The following KCNT2 variants were observed in gnomAD, a reference collection of about 807,000 sequenced individuals.
KCNT2 encodes potassium channel subfamily T member 2.
Under a neutral mutation model 153.8 loss-of-function variants are expected in KCNT2, and 67 were observed. The ratio of observed to expected loss-of-function variants is 0.44; its 90% CI spans 0.36 to 0.53. The LOEUF is 0.53. Ranked by LOEUF, KCNT2 falls within the 20% of genes least tolerant of loss-of-function variation. The pLI is 0.00. For missense variants in KCNT2, 975 were observed against 1,354.8 expected (o/e 0.72, Z 4.40); for synonymous variants, 500 against 458.8 (o/e 1.09, Z -1.15).
intron 22 of KCNT2, among the ~76,000 whole-genome samples, chr1:196,290,769 A>C (rs1272071615): frequency 6.6e-6 from 1 of 152,066 alleles, no homozygotes; most frequent in Non-Finnish European, 1.5e-5. Flanking sequence ...GTCCTAGACC[A>C]GGTCTTTATT....
intron 26 of KCNT2, among the ~76,000 whole-genome samples, chr1:196,248,264 C>T (rs566521006): frequency 6.7e-6 from 1 of 150,306 alleles, no homozygotes; most frequent in African/African-American, 2.4e-5. Context: ...GCAAGCTAAA[C>T]CAAAAATAGT....
intron 13 of KCNT2, among the ~76,000 whole-genome samples, chr1:196,378,252 A>T (rs1299690065): frequency 6.6e-6 from 1 of 152,146 alleles, no homozygotes; most frequent in Non-Finnish European, 1.5e-5. Context: ...TCTGTTTTCC[A>T]AAAACCATTA....
chr1:196,578,796 G>A (rs1347198802), intron 1 of KCNT2, among the ~76,000 whole-genome samples: 1 of 152,050 alleles, frequency 6.6e-6, no homozygotes, highest in Non-Finnish European at 1.5e-5. Context: ...AAATCCTCAG[G>A]CAGCAAATCC....
At position 196,270,150 on chromosome 1, in the gene KCNT2, C is replaced by T. The variant is rs959872174; in HGVS notation, c.2910+10710G>A. Among the ~76,000 whole-genome samples the T allele has an allele frequency of 7.2e-5, 11 of 151,760 alleles. 1 individual carries two copies. Among genetic ancestry groups the T allele is most frequent in the Non-Finnish European group, 1.5e-4 (10 of 67,944 alleles). ...CAAATTTTAAAAATAATATTATTAG[C>T]ACCAAAATTATTATTGATGTAAATT... On this transcript the variant is annotated intron_variant, in intron 25 of 27. Transcript: ENST00000294725.
chr1:196,440,978 T>G (rs542200078), intron 8 of KCNT2, among the ~76,000 whole-genome samples: 181 of 151,902 alleles, frequency 1.2e-3, no homozygotes, highest in African/African-American at 4.0e-3. Flanking sequence ...AAGCACTAGA[T>G]AAGCACAGAA....
intron 5 of KCNT2, among the ~76,000 whole-genome samples, chr1:196,474,401 G>A (rs746172053): frequency 3.9e-5 from 6 of 152,104 alleles, no homozygotes; most frequent in South Asian, 2.1e-4. Flanking sequence ...AAATAGTGTC[G>A]TAACGCTATG....
intron 16 of KCNT2, among the ~76,000 whole-genome samples, chr1:196,335,399 G>A (rs1664923153): frequency 6.6e-6 from 1 of 152,080 alleles, no homozygotes; most frequent in Non-Finnish European, 1.5e-5. Flanking sequence ...TATAGGTATA[G>A]CCTACTGCCC....
At chr1:196,411,136 A>C (rs1270146840) in intron 12 of KCNT2, among the ~76,000 whole-genome samples, 18 of 104,850 alleles carry the variant, frequency 1.7e-4, no homozygotes, top group Admixed American at 3.2e-4. Context: ...CTTCTTTCCT[A>C]CCTCCCTTCC....
chr1:196,438,071 T>G (rs1189095820), intron 8 of KCNT2, among the ~76,000 whole-genome samples: 1 of 151,716 alleles, frequency 6.6e-6, no homozygotes, highest in Non-Finnish European at 1.5e-5. Context: ...ATAATAATAT[T>G]AACTTCCCAT....
intron 12 of KCNT2, 71 bp downstream of exon 12, chr1:196,422,979 A>T (rs1673338270): frequency 1.9e-6 from 2 of 1,028,094 alleles, no homozygotes; most frequent in East Asian, 2.7e-5. Flanking sequence ...GCGAATTTTT[A>T]AAAACTCAAA....
intron 27 of KCNT2, among the ~76,000 whole-genome samples, chr1:196,233,926 G>A (rs1654180689): frequency 6.6e-6 from 1 of 151,278 alleles, no homozygotes; most frequent in Non-Finnish European, 1.5e-5. Flanking sequence ...AAGATGGAGA[G>A]AAACTGGTTT....
intron 1 of KCNT2, among the ~76,000 whole-genome samples, chr1:196,560,928 A>G (rs1035370970): frequency 6.6e-6 from 1 of 151,958 alleles, no homozygotes; most frequent in Non-Finnish European, 1.5e-5. Context: ...TTCCAGTTTA[A>G]TACTTATTCA....
intron 1 of KCNT2, among the ~76,000 whole-genome samples, chr1:196,543,998 C>T (rs190420983): frequency 6.6e-6 from 1 of 152,208 alleles, no homozygotes; most frequent in East Asian, 1.9e-4. Context: ...AGGTTTGCTT[C>T]CGTGGGTGAC....
chr1:196,538,697 C>T (rs1469547781), intron 1 of KCNT2, among the ~76,000 whole-genome samples: 2 of 152,166 alleles, frequency 1.3e-5, no homozygotes, highest in African/African-American at 2.4e-5. Flanking sequence ...ACTGCTGAGT[C>T]AGGCTGCACT....
intron 1 of KCNT2, among the ~76,000 whole-genome samples, chr1:196,592,490 A>G (rs1265407000): frequency 1.4e-5 from 2 of 147,856 alleles, no homozygotes; most frequent in Admixed American, 1.4e-4. Context: ...ATATTAATAT[A>G]TAACTTTCTA....
intron 1 of KCNT2, among the ~76,000 whole-genome samples, chr1:196,546,205 A>G (rs980532483): frequency 1.4e-4 from 22 of 152,084 alleles, no homozygotes; most frequent in African/African-American, 4.6e-4. Context: ...GCTAAATATT[A>G]TTCTTCTATT....
intron 25 of KCNT2, among the ~76,000 whole-genome samples, chr1:196,275,366 A>G (rs887927182): frequency 1.3e-5 from 2 of 148,384 alleles, no homozygotes; most frequent in Non-Finnish European, 3.0e-5. Context: ...CTTTCCATAG[A>G]CTGATTTTCC....
rs771988992 is a variant in KCNT2 at position 196,340,519 on chromosome 1, C to A, written c.1605G>T (p.Leu535Phe). ...GVRREDNKNI[L>F]LNPGPRYIMN... Reference sequence around the variant, plus strand: ...TAATGTATCGAGGACCTGGATTCAGCAAAATGTTTTTATTATCCTCCCTCC... The same window carrying A: ...TAATGTATCGAGGACCTGGATTCAGAAAAATGTTTTTATTATCCTCCCTCC... The change falls in exon 16 of 28, where the codon TTG becomes TTT. Residue 535 changes from leucine to phenylalanine, a missense_variant. Physicochemically the swap from Leu to Phe is conservative, Grantham distance 22. Coordinates refer to ENST00000294725, the MANE Select transcript of KCNT2 (RefSeq NM_198503.5). The A allele has an allele frequency of 6.2e-7, 1 of 1,610,734 alleles. No individual in the cohort carries two copies. Among genetic ancestry groups the A allele is most frequent in the Admixed American group, 1.7e-5 (1 of 59,648 alleles).
chr1:196,530,609 G>A (rs559320889), intron 1 of KCNT2, among the ~76,000 whole-genome samples: 167 of 152,036 alleles, frequency 1.1e-3, no homozygotes, highest in African/African-American at 3.8e-3. Flanking sequence ...TAAGTTATTA[G>A]CATTGCTGAA....
Sources: gnomAD v4.1 joint callset for allele counts (sites outside exome capture counted in the v4.1 genomes callset) on GRCh38, gnomAD v4.1.1 for gene constraint, MANE v1.5 for transcripts, NCBI Gene and HGNC (gene_info 2026-07-23, HGNC 2026-07-21) for gene names.